Variants in PTBP2 observed in about 807,000 individuals in gnomAD.
PTBP2 encodes the protein polypyrimidine tract-binding protein 2.
PTBP2 carries 13 observed loss-of-function variants against 61.4 expected under a neutral mutation model. The ratio of observed to expected loss-of-function variants is 0.21; its 90% CI spans 0.14 to 0.34. PTBP2 has a LOEUF of 0.34. Among genes scored for constraint, PTBP2 ranks in the 10% least tolerant of loss-of-function variants. PTBP2 has a pLI of 1.00. For missense variants in PTBP2, 405 were observed against 642.6 expected, an observed-to-expected ratio of 0.63 and a Z score of 4.00; for synonymous variants, 215 against 218.5, an observed-to-expected ratio of 0.98 and a Z score of 0.14.
chr1:96,779,329 A>G (rs137869254), intron 7 of PTBP2, among the ~76,000 whole-genome samples: 4 of 152,192 alleles, frequency 2.6e-5, no homozygotes, highest in Non-Finnish European at 4.4e-5. Flanking sequence ...AATATAGTCT[A>G]CATTTTTCTT....
intron 2 of PTBP2, among the ~76,000 whole-genome samples, chr1:96,727,316 A>G (rs1269054694): frequency 6.6e-6 from 1 of 151,856 alleles, no homozygotes; most frequent in African/African-American, 2.4e-5. Context: ...GGACATTTGT[A>G]TTGTTTTCCG....
Position 96,813,516 on chromosome 1 carries a change from G to A in PTBP2, c.*111G>A. 1 of 1,147,716 alleles carries A rather than the reference G, an allele frequency of 8.7e-7. No homozygotes were observed. The highest frequency in any genetic ancestry group is 1.2e-6 in the Non-Finnish European group (1 of 855,830). The allele number at this position is 1,147,716 out of a possible 1,614,324, so 71.1% of individuals were successfully genotyped here. ...TGATTTTTTTTGTTTTTGTTTTTTT[G>A]GGGTTTCTTTTTTTTTTCCATGCTG... On this transcript the variant is annotated 3_prime_UTR_variant, in exon 14 of 14. Transcript: ENST00000674951.
intron 2 of PTBP2, among the ~76,000 whole-genome samples, chr1:96,724,562 G>C (rs1361029977): frequency 6.6e-6 from 1 of 151,970 alleles, no homozygotes; most frequent in Non-Finnish European, 1.5e-5. Context: ...ACCGTGCCCG[G>C]CCTGTATTGT....
intron 1 of PTBP2, among the ~76,000 whole-genome samples, chr1:96,722,149 G>A (rs1252856968): frequency 6.6e-6 from 1 of 152,150 alleles, no homozygotes; most frequent in Non-Finnish European, 1.5e-5. Flanking sequence ...CTTGGCGGCG[G>A]GGGATGGGGT....
intron 2 of PTBP2, among the ~76,000 whole-genome samples, chr1:96,748,267 T>C (rs1434580174): frequency 6.6e-6 from 1 of 152,198 alleles, no homozygotes; most frequent in Non-Finnish European, 1.5e-5. Flanking sequence ...TTGGTTGCCT[T>C]CTTCGCAGAC....
At chr1:96,734,635 A>G (rs1651896523) in intron 2 of PTBP2, among the ~76,000 whole-genome samples, 1 of 151,886 alleles carries the variant, frequency 6.6e-6, no homozygotes, top group South Asian at 2.1e-4. Context: ...GGTCTTACAC[A>G]GTTGCCTATA....
chr1:96,805,070 T>C, intron 9 of PTBP2, 131 bp downstream of exon 9: 1 of 678,854 alleles, frequency 1.5e-6, no homozygotes, highest in African/African-American at 1.8e-5. Context: ...TCTGTATGTT[T>C]CTACTTCTGA....
At chr1:96,737,670 A>C (rs929477338) in intron 2 of PTBP2, among the ~76,000 whole-genome samples, 1 of 152,170 alleles carries the variant, frequency 6.6e-6, no homozygotes, top group African/African-American at 2.4e-5. Flanking sequence ...GAAGTAAGTA[A>C]TTTTTTGGAA....
intron 2 of PTBP2, among the ~76,000 whole-genome samples, chr1:96,741,360 T>A (rs768295755): frequency 6.6e-6 from 1 of 152,074 alleles, no homozygotes; most frequent in Non-Finnish European, 1.5e-5. Flanking sequence ...TCCCAGGCTC[T>A]AGCAATTCTC....
intron 5 of PTBP2, among the ~76,000 whole-genome samples, chr1:96,773,961 T>TC (rs1312920865): frequency 7.5e-4 from 63 of 84,410 alleles, no homozygotes; most frequent in Non-Finnish European, 2.3e-4. Flanking sequence ...AGACTCTGTC[T>TC]CAAAAAAAAA....
intron 11 of PTBP2, among the ~76,000 whole-genome samples, chr1:96,809,030 C>T (rs1009099201): frequency 2.6e-5 from 4 of 152,022 alleles, no homozygotes; most frequent in African/African-American, 7.2e-5. Flanking sequence ...ACTTAAATAC[C>T]TTTATTAACT....
At chr1:96,823,152 G>A (rs12068453) in exon 14 of PTBP2, 15,421 of 152,264 alleles carry the variant, frequency 0.1, 864 homozygotes, top group Middle Eastern at 0.14. Context: ...TAGTAGAGAC[G>A]GTTTCACCAT....
At chr1:96,805,993 C>G (rs566728051) in intron 9 of PTBP2, among the ~76,000 whole-genome samples, 1 of 152,292 alleles carries the variant, frequency 6.6e-6, no homozygotes, top group African/African-American at 2.4e-5. Context: ...ATAAACCAAC[C>G]ATTTTCTGAC....
rs532195681 is a variant in PTBP2 at position 96,802,142 on chromosome 1, C to T, written c.905-2658C>T. 8.4e-5 allele frequency among the ~76,000 whole-genome samples: 11 copies of T among 130,508 alleles called. No individual in the cohort carries two copies. In the East Asian group the frequency reaches 1.8e-3, roughly 21 times the overall value. 85.6% of individuals were successfully genotyped at this position (130,508 alleles called of 152,430 possible). ...AGGAGAATGGCATGAACCTGGGAGG[C>T]GGAGCTTGCAGTGAGCCGAGATCAC... On this transcript the variant is annotated intron_variant, in intron 8 of 13. Transcript: ENST00000674951.
chr1:96,777,771 A>T (rs1040597264), intron 6 of PTBP2, 22 bp downstream of exon 6: 1 of 1,563,462 alleles, frequency 6.4e-7, no homozygotes, highest in Non-Finnish European at 8.7e-7. Context: ...CTGCATAATT[A>T]CCTATAAATT....
intron 8 of PTBP2, among the ~76,000 whole-genome samples, chr1:96,797,637 A>G (rs142119474): frequency 6.6e-6 from 1 of 152,026 alleles, no homozygotes; most frequent in African/African-American, 2.4e-5. Context: ...TGGATACTCA[A>G]ATCCACTGAT....
chr1:96,732,598 C>T (rs946903331), intron 2 of PTBP2, among the ~76,000 whole-genome samples: 1 of 152,144 alleles, frequency 6.6e-6, no homozygotes, highest in Non-Finnish European at 1.5e-5. Context: ...AGATAAATAA[C>T]AAGACTATGT....
chr1:96,802,467 G>C (rs1226907610), intron 8 of PTBP2, among the ~76,000 whole-genome samples: 1 of 152,058 alleles, frequency 6.6e-6, no homozygotes, highest in Non-Finnish European at 1.5e-5. Flanking sequence ...TTTAATTTTG[G>C]TAACTAATTA....
exon 14 of PTBP2, chr1:96,821,161 A>G (rs1662672007): frequency 6.6e-6 from 1 of 152,162 alleles, no homozygotes; most frequent in Non-Finnish European, 1.5e-5. Flanking sequence ...TGCTGTAGAA[A>G]TACAGGGTTG....
Sources: allele counts gnomAD v4.1 joint callset (sites outside exome capture counted in the v4.1 genomes callset), GRCh38; gene constraint gnomAD v4.1.1; transcripts MANE v1.5; gene names NCBI Gene and HGNC (gene_info 2026-07-23, HGNC 2026-07-21).